SYNE1: variants seen among roughly 807,000 people sequenced by gnomAD.
SYNE1 encodes spectrin repeat containing nuclear envelope protein 1.
Under a neutral mutation model 1,111.0 loss-of-function variants are expected in SYNE1, and 616 were observed. The observed-to-expected ratio is 0.55, with a 90% CI of 0.52 to 0.59. The LOEUF is 0.59. Ranked by LOEUF, SYNE1 falls within the 20% of genes least tolerant of loss-of-function variation. The pLI is 0.00. For missense variants in SYNE1, 10,006 were observed against 10,417.0 expected (o/e 0.96, Z 1.72); for synonymous variants, 3,855 against 3,825.8 (o/e 1.01, Z -0.28).
intron 130 of SYNE1, chr6:152,167,996 C>G: frequency 1.3e-6 from 1 of 778,872 alleles, no homozygotes; most frequent in South Asian, 1.4e-5. Flanking sequence ...CAACACCAAT[C>G]CTCTTCATGT....
chr6:152,267,762 T>G (rs1476073839), intron 100 of SYNE1, among the ~76,000 whole-genome samples: 2 of 152,180 alleles, frequency 1.3e-5, no homozygotes, highest in African/African-American at 4.8e-5. Context: ...ACATCATGCA[T>G]CTCATTTATA....
chr6:152,270,984 C>T (rs542088107), intron 98 of SYNE1, among the ~76,000 whole-genome samples: 16 of 152,232 alleles, frequency 1.1e-4, no homozygotes, highest in African/African-American at 3.4e-4. Context: ...GCAGGGCTGG[C>T]GTACCATGGG....
rs1486560228 is a variant in SYNE1, at chr6:152,156,133, A to G, written c.23791-36T>C. The stretch of plus-strand genomic sequence containing the variant: ...ACGTAACAGGCTTTATTCAACAATT[A>G]CATGTATACAGATGAGAGAAACTGA... On this transcript the variant is annotated intron_variant, in intron 131 of 145. Coordinates refer to ENST00000367255, the MANE Select transcript of SYNE1 (RefSeq NM_182961.4). 4 of 1,611,956 alleles carry G rather than the reference A, an allele frequency of 2.5e-6. No homozygotes were observed. The South Asian group carries it at 3.3e-5, about 13-fold the overall frequency.
chr6:152,438,404 G>A lies in SYNE1; in HGVS notation c.4150-2303C>T, dbSNP rs1033028911. 4.1e-4 allele frequency among the ~76,000 whole-genome samples: 62 copies of A among 152,118 alleles called. 2 individuals carry two copies. Among genetic ancestry groups the A allele is most frequent in the Non-Finnish European group, 1.2e-4 (8 of 68,022 alleles). On this transcript the variant is annotated intron_variant, in intron 32 of 145. Transcript: ENST00000367255. ...TTTATGTGAGCTATGTATGGAAAAA[G>A]CATAATGCAGAGAAATCGAAAGAGC...
chr6:152,480,684 C>T, intron 14 of SYNE1: 1 of 446,608 alleles, frequency 2.2e-6, no homozygotes, highest in Non-Finnish European at 4.5e-6. Context: ...AAGTTCCTAC[C>T]TCAATGAAAA....
In SYNE1 at chr6:152,311,830, C is replaced by T. The variant is rs145380138; in HGVS notation, c.16711-957G>A. 6.7e-3 allele frequency among the ~76,000 whole-genome samples: 1,008 copies of T among 150,674 alleles called. 9 individuals carry two copies. Among genetic ancestry groups the T allele is most frequent in the African/African-American group, 0.024 (970 of 40,940 alleles). Reference sequence around the variant, plus strand: ...TCGCTCTTTCGCCCAGGCTGGAGTGCAGTGGCGCAATCTCAGCTCTCTGCA... The same window carrying T: ...TCGCTCTTTCGCCCAGGCTGGAGTGTAGTGGCGCAATCTCAGCTCTCTGCA... On this transcript the variant is annotated intron_variant, in intron 87 of 145. Coordinates refer to ENST00000367255, the MANE Select transcript of SYNE1 (RefSeq NM_182961.4).
intron 3 of SYNE1, among the ~76,000 whole-genome samples, chr6:152,595,880 A>AT (rs2128572984): frequency 6.6e-6 from 1 of 152,134 alleles, no homozygotes; most frequent in African/African-American, 2.4e-5. Flanking sequence ...ATTCTATGCT[A>AT]TTATGTTTCA....
At chr6:152,541,450 A>T (rs1303085857) in intron 3 of SYNE1, among the ~76,000 whole-genome samples, 2 of 152,124 alleles carry the variant, frequency 1.3e-5, no homozygotes, top group Non-Finnish European at 2.9e-5. Context: ...GTTGGTGTAT[A>T]GAAATGCCAC....
intron 51 of SYNE1, 72 bp downstream of exon 51, chr6:152,395,444 A>C: frequency 6.5e-7 from 1 of 1,544,910 alleles, no homozygotes; most frequent in Non-Finnish European, 8.8e-7. Context: ...AATCAAAACC[A>C]AACCAACCAA....
intron 70 of SYNE1, among the ~76,000 whole-genome samples, chr6:152,351,177 A>G (rs1590833210): frequency 6.6e-6 from 1 of 152,392 alleles, no homozygotes; most frequent in Middle Eastern, 3.4e-3. Flanking sequence ...GAACAATTCC[A>G]GTTGTGACCT....
In SYNE1 at chr6:152,488,479, C is replaced by T; in HGVS notation, c.964G>A (p.Glu322Lys). The stretch of plus-strand genomic sequence containing the variant: ...AATTGTTCTATCCAAACTTTCATTT[C>T]CTTAAAAATTACTCTGTCTTCTCTC... The part of the protein sequence containing the change: ...FKREDRVIFK[E>K]MKVWIEQFER... The change falls in exon 12 of 146, where the codon GAA becomes AAA. Residue 322 changes from glutamate (E) to lysine (K), a missense_variant. Transcript: ENST00000367255. 1.2e-6 allele frequency: 2 copies of T among 1,601,190 alleles called. No individual in the cohort carries two copies. The highest frequency in any genetic ancestry group is 1.7e-6 in the Non-Finnish European group (2 of 1,170,234).
At chr6:152,578,985 G>A (rs956134624) in intron 3 of SYNE1, among the ~76,000 whole-genome samples, 1 of 152,228 alleles carries the variant, frequency 6.6e-6, no homozygotes, top group East Asian at 1.9e-4. Flanking sequence ...CTATAACCAA[G>A]AAATGCAAAT....
intron 8 of SYNE1, among the ~76,000 whole-genome samples, chr6:152,507,137 T>G (rs546565256): frequency 6.6e-6 from 1 of 152,314 alleles, no homozygotes; most frequent in East Asian, 1.9e-4. Context: ...GAACAGTATG[T>G]CCTTTCTATC....
intron 39 of SYNE1, among the ~76,000 whole-genome samples, chr6:152,421,322 G>T (rs2098255837): frequency 6.6e-6 from 1 of 152,154 alleles, no homozygotes; most frequent in African/African-American, 2.4e-5. Flanking sequence ...TCTAATCTGA[G>T]ATTTCTTATG....
At position 152,164,330 on chromosome 6, in the gene SYNE1, G is replaced by A; in HGVS notation, c.23628-5C>T. 6.2e-7 allele frequency: 1 copy of A among 1,613,918 alleles called. No individual in the cohort carries two copies. The highest frequency in any genetic ancestry group is 8.5e-7 in the Non-Finnish European group (1 of 1,180,012). ...GTCTCCTTCAGCTTCTTCACCCTGT[G>A]GGCAGAGAAGGGGGAATGTCCCACT... is the stretch of plus-strand genomic sequence containing the variant. On this transcript the variant is annotated splice_polypyrimidine_tract_variant and splice_region_variant and intron_variant, in intron 130 of 145. Transcript: ENST00000367255.
At chr6:152,466,901 A>T (rs896417145) in intron 16 of SYNE1, among the ~76,000 whole-genome samples, 20 of 152,244 alleles carry the variant, frequency 1.3e-4, no homozygotes, top group African/African-American at 4.8e-4. Context: ...AATCTATTAA[A>T]ATACTTGATA....
rs550640678 is a variant in SYNE1 at position 152,513,515 on chromosome 6, G to A, written c.310-2412C>T. The stretch of plus-strand genomic sequence containing the variant: ...CACCCGGCTAATTTTTGCATTTTTA[G>A]TAGAGATGAAGTTTTGCCATGTTGG... On this transcript the variant is annotated intron_variant, in intron 6 of 145. Coordinates refer to ENST00000367255, the MANE Select transcript of SYNE1 (RefSeq NM_182961.4). Among the ~76,000 whole-genome samples, 5 of 152,216 alleles carry A rather than the reference G, an allele frequency of 3.3e-5. No individual in the cohort carries two copies. The South Asian group carries it at 8.3e-4, about 25-fold the overall frequency.
Position 152,568,384 on chromosome 6 carries a change from C to G in SYNE1, c.68-28363G>C, listed in dbSNP as rs201888656. ...GTGGCGAGATCTCGGCTCACTGCAA[C>G]CTCTACCTCCTGGGTCCAAGTAATT... On this transcript the variant is annotated intron_variant, in intron 3 of 145. Coordinates refer to ENST00000367255, the MANE Select transcript of SYNE1 (RefSeq NM_182961.4). 7.2e-4 allele frequency among the ~76,000 whole-genome samples: 103 copies of G among 143,026 alleles called. No homozygotes were observed. The East Asian group carries it at 0.015, about 21-fold the overall frequency. The allele number at this position is 143,026 out of a possible 152,430, so 93.8% of individuals were successfully genotyped here.
chr6:152,481,162 T>C (rs7763880), intron 14 of SYNE1: 102,186 of 206,248 alleles, frequency 0.5, 27,940 homozygotes, highest in East Asian at 0.76. Flanking sequence ...TTACATTGTC[T>C]GGCATTTTCT....
Sources: gnomAD v4.1 joint callset for allele counts (sites outside exome capture counted in the v4.1 genomes callset) on GRCh38, gnomAD v4.1.1 for gene constraint, MANE v1.5 for transcripts, NCBI Gene and HGNC (gene_info 2026-07-23, HGNC 2026-07-21) for gene names.